The following PAQR7 variants were observed in gnomAD, a reference collection of about 807,000 sequenced individuals.
PAQR7 encodes the protein membrane progestin receptor alpha.
PAQR7 carries 14 observed loss-of-function variants against 24.6 expected under a neutral mutation model. That is an observed-to-expected ratio of 0.57 (90% CI 0.38 to 0.89). The LOEUF (loss-of-function observed/expected upper bound fraction) is 0.89. PAQR7 is among the 40% of genes least tolerant of loss of function. PAQR7 has a pLI of 0.00. For missense variants in PAQR7, 351 were observed against 444.0 expected, an observed-to-expected ratio of 0.79 and a Z score of 1.88; for synonymous variants, 189 against 198.8, an observed-to-expected ratio of 0.95 and a Z score of 0.42.
intron 1 of PAQR7, among the ~76,000 whole-genome samples, chr1:25,873,737 A>AT (rs570758952): frequency 6.4e-4 from 97 of 151,970 alleles, no homozygotes; most frequent in Non-Finnish European, 1.2e-3. Context: ...CGCCTGGCTA[A>AT]TTTTTTTATT....
chr1:25,867,753 CCCA>C (rs2048568975), intron 2 of PAQR7, among the ~76,000 whole-genome samples: 1 of 152,236 alleles, frequency 6.6e-6, no homozygotes, highest in Admixed American at 6.5e-5. Context: ...CGACCCCACC[CCCA>C]CAAGCCCACA....
intron 1 of PAQR7, among the ~76,000 whole-genome samples, chr1:25,874,621 G>A (rs891604710): frequency 1.3e-4 from 20 of 152,210 alleles, no homozygotes; most frequent in Admixed American, 1.1e-3. Flanking sequence ...TAGGAGCTCA[G>A]ACTTGGGGTC....
intron 2 of PAQR7, among the ~76,000 whole-genome samples, chr1:25,869,142 A>T (rs922470500): frequency 2.0e-5 from 3 of 152,098 alleles, no homozygotes; most frequent in African/African-American, 7.2e-5. Context: ...GAAAAAAAAA[A>T]GCCAGTTTAA....
intron 2 of PAQR7, among the ~76,000 whole-genome samples, chr1:25,868,804 C>T (rs2048579434): frequency 6.6e-6 from 1 of 151,002 alleles, no homozygotes; most frequent in South Asian, 2.1e-4. Context: ...TATGTGACCA[C>T]GGATTCCTTC....
chr1:25,862,846 G>A lies in PAQR7; in HGVS notation c.994C>T (p.Leu332Phe). The A allele has an allele frequency of 6.2e-7, 1 of 1,614,206 alleles. No homozygotes were observed. The highest frequency in any genetic ancestry group is 8.5e-7 in the Non-Finnish European group (1 of 1,180,040). Residue 332 changes from leucine to phenylalanine, a missense_variant, in exon 3 of 3, where the codon CTC (leucine) becomes TTC (phenylalanine). By Grantham distance (22) the Leu-to-Phe change is conservative. Transcript: ENST00000675840. ...TTGCGCTGTACCAGCTGGCTCAGGA[G>A]GAATGCAGTGAGGATGCTGCTGCCC... is the stretch of plus-strand genomic sequence containing the variant. ...TVGSSILTAF[L>F]LSQLVQRKLD...
intron 2 of PAQR7, among the ~76,000 whole-genome samples, chr1:25,870,406 G>A (rs543795328): frequency 6.6e-6 from 1 of 152,254 alleles, no homozygotes; most frequent in African/African-American, 2.4e-5. Context: ...GACTGGGGGT[G>A]TCTTGTGTGA....
At position 25,865,198 on chromosome 1, in the gene PAQR7, C is replaced by G. The variant is rs111241153; in HGVS notation, c.-22-1337G>C. ...AAACATTTCTTCTGGGATGCTTTCC[C>G]TGGCCTCCTGAACCTCCTACGATGA... is the stretch of plus-strand genomic sequence containing the variant. On this transcript the variant is annotated intron_variant, in intron 2 of 2. Transcript: ENST00000675840. Among the ~76,000 whole-genome samples, 1,499 of 151,898 alleles carry G rather than the reference C, an allele frequency of 9.9e-3. 28 individuals are homozygous for G. The highest frequency in any genetic ancestry group is 0.034 in the African/African-American group (1,386 of 41,366).
rs1451700293 is a variant in PAQR7, at chr1:25,863,301, A to C, written c.539T>G (p.Phe180Cys). ...GCCAATGCAGGAAAGCCAGGCGAGA[A>C]AGGCAGCCATGGGCAGAAAAACAGC... Reference protein sequence around the residue: ...VQAVFLPMAAFLAWLSCIGSC... With the variant: ...VQAVFLPMAACLAWLSCIGSC... The change falls in exon 3 of 3, where the codon TTT (phenylalanine) becomes TGT (cysteine). Residue 180 changes from phenylalanine (F) to cysteine (C), a missense_variant. Phe to Cys is a radical substitution (Grantham distance 205). Transcript: ENST00000675840. The surrounding 1 kb of genome is among the most constrained non-coding windows in gnomAD (Gnocchi z 6.1). 6.2e-7 allele frequency: 1 copy of C among 1,614,232 alleles called. No homozygotes were observed. The highest frequency in any genetic ancestry group is 8.5e-7 in the Non-Finnish European group (1 of 1,180,046).
Position 25,863,672 on chromosome 1 carries a change from C to G in PAQR7, c.168G>C (p.Gln56His), listed in dbSNP as rs767064005. 2 of 1,614,186 alleles carry G rather than the reference C, an allele frequency of 1.2e-6. No homozygotes were observed. The highest frequency in any genetic ancestry group is 1.1e-5 in the South Asian group (1 of 91,086). Residue 56 changes from glutamine to histidine, a missense_variant, in exon 3 of 3, where the codon CAG becomes CAC. Physicochemically the swap from Gln to His is conservative, Grantham distance 24 (BLOSUM62 0). Transcript: ENST00000675840. The surrounding 1 kb of genome is among the most constrained non-coding windows in gnomAD (Gnocchi z 6.1). ...GCGTGCGGAAATAGAAGCGCCAGGTCTGATGCAGCGGCCGGTAGCCCGCAT... is the reference window on the plus strand; with the variant it reads ...GCGTGCGGAAATAGAAGCGCCAGGTGTGATGCAGCGGCCGGTAGCCCGCAT... ...YIYAGYRPLH[Q>H]TWRFYFRTLF...
chr1:25,862,805 G>C lies in PAQR7; in HGVS notation c.1035C>G (p.Thr345=). ...QLVQRKLDQK[T]K The stretch of plus-strand genomic sequence containing the variant: ...TACCAGATGCCATCCCCCTTCACTT[G>C]GTCTTCTGATCAAGTTTGCGCTGTA... Residue 345 remains threonine (T), a synonymous_variant, in exon 3 of 3, where the codon ACC becomes ACG. Coordinates refer to ENST00000675840, the MANE Select transcript of PAQR7 (RefSeq NM_178422.6). The C allele has an allele frequency of 6.2e-7, 1 of 1,612,516 alleles. No individual in the cohort carries two copies. The highest frequency in any genetic ancestry group is 8.5e-7 in the Non-Finnish European group (1 of 1,178,942).
In PAQR7 at chr1:25,863,780, C is replaced by T. The variant is rs560947246; in HGVS notation, c.60G>A (p.Glu20=). ...LLPSLRQVIQ[E]PQLSLQPEPV... ...GCTCTGGCTGCAGAGATAGCTGAGG[C>T]TCCTGGATGACCTGCCGCAGACTCG... is the stretch of plus-strand genomic sequence containing the variant. The change falls in exon 3 of 3, where the codon GAG becomes GAA. Residue 20 remains glutamate (E), a synonymous_variant. Coordinates refer to ENST00000675840, the MANE Select transcript of PAQR7 (RefSeq NM_178422.6). This position sits in a 1 kb window ranked among gnomAD's most constrained non-coding sequence, Gnocchi z 6.1. 6.2e-7 allele frequency: 1 copy of T among 1,613,542 alleles called. No individual in the cohort carries two copies. Among genetic ancestry groups the T allele is most frequent in the Admixed American group, 1.7e-5 (1 of 59,992 alleles).
chr1:25,871,529 T>G (rs1474214611), intron 1 of PAQR7, among the ~76,000 whole-genome samples: 1 of 152,098 alleles, frequency 6.6e-6, no homozygotes, highest in Non-Finnish European at 1.5e-5. Flanking sequence ...GAGCCGCTCC[T>G]TCCTCCCTTC....
intron 2 of PAQR7, among the ~76,000 whole-genome samples, chr1:25,867,424 C>T (rs2048566429): frequency 6.6e-6 from 1 of 152,216 alleles, no homozygotes; most frequent in Non-Finnish European, 1.5e-5. Context: ...GCTTCAATTA[C>T]ATAATTCAGG....
chr1:25,869,439 G>A (rs1480758152), intron 2 of PAQR7, among the ~76,000 whole-genome samples: 2 of 152,062 alleles, frequency 1.3e-5, no homozygotes, highest in Non-Finnish European at 2.9e-5. Flanking sequence ...GGGCATGGTG[G>A]TGCATGCTTG....
At chr1:25,871,127 T>C (rs1432289476) in intron 1 of PAQR7, 4 of 152,174 alleles carry the variant, frequency 2.6e-5, no homozygotes, top group Non-Finnish European at 5.9e-5. Flanking sequence ...GCTTAAACAT[T>C]TACCTTATCC....
At chr1:25,865,732 G>A (rs1572277725) in intron 2 of PAQR7, among the ~76,000 whole-genome samples, 1 of 152,098 alleles carries the variant, frequency 6.6e-6, no homozygotes, top group Non-Finnish European at 1.5e-5. Flanking sequence ...GCATGAACCC[G>A]AGAGGTGGAG....
chr1:25,869,547 G>A (rs59136700), intron 2 of PAQR7, among the ~76,000 whole-genome samples: 2,812 of 145,954 alleles, frequency 0.019, 84 homozygotes, highest in African/African-American at 0.065. Context: ...ACTCCAGTCT[G>A]GGTGACAAAG....
intron 2 of PAQR7, among the ~76,000 whole-genome samples, chr1:25,865,847 G>A (rs2048552826): frequency 6.6e-6 from 1 of 151,728 alleles, no homozygotes; most frequent in South Asian, 2.1e-4. Context: ...CTAGCCAGTT[G>A]TGGTGGCACC....
chr1:25,870,572 C>T (rs807067), intron 2 of PAQR7, 37 bp downstream of exon 2: 93,673 of 152,122 alleles, frequency 0.62, 29,873 homozygotes, highest in African/African-American at 0.77. Flanking sequence ...ATGAGACTTA[C>T]GGGGAAACCG....
Sources: gnomAD v4.1 joint callset for allele counts (sites outside exome capture counted in the v4.1 genomes callset) on GRCh38, gnomAD v4.1.1 for gene constraint, Gnocchi (gnomAD v3.1) non-coding constraint, MANE v1.5 for transcripts, NCBI Gene and HGNC (gene_info 2026-07-23, HGNC 2026-07-21) for gene names.